The following ADGRD2 variants were observed in gnomAD, a reference collection of about 807,000 sequenced individuals.
The protein encoded by ADGRD2 is adhesion G protein-coupled receptor D2.
Under a neutral mutation model 44.4 loss-of-function variants are expected in ADGRD2, and 71 were observed. The ratio of observed to expected loss-of-function variants is 1.60; its 90% CI spans 1.32 to 1.95. ADGRD2 has a LOEUF of 1.95. Ranked by LOEUF, ADGRD2 falls within the 30% of genes most tolerant of loss-of-function variation. ADGRD2 has a pLI of 0.00. For missense variants in ADGRD2, 1,039 were observed against 512.4 expected (o/e 2.03, Z -9.92); for synonymous variants, 481 against 224.8 (o/e 2.14, Z -10.19).
intron 16 of ADGRD2, 94 bp from the exon 20 acceptor site, chr9:124,470,400 G>A (rs1209143093): frequency 6.4e-6 from 4 of 626,872 alleles, no homozygotes; most frequent in South Asian, 3.6e-5. Flanking sequence ...CTCCCACCCC[G>A]CTCCAGGCAC....
intron 15 of ADGRD2, 32 bp downstream of exon 18, chr9:124,469,387 T>C: frequency 1.4e-6 from 1 of 718,166 alleles, no homozygotes. Context: ...GAGGGGCGTG[T>C]TGGGGATGGG....
intron 19 of ADGRD2, 93 bp from the exon 23 acceptor site, chr9:124,476,264 G>A (rs571919655): frequency 3.7e-5 from 23 of 621,868 alleles, no homozygotes; most frequent in African/African-American, 9.1e-5. Flanking sequence ...GATTCTTAGC[G>A]TATTTGATCC....
rs556589495 is a variant in ADGRD2, at chr9:124,477,713, G to A, written c.*19-568G>A. Among the ~76,000 whole-genome samples the A allele has an allele frequency of 4.6e-5, 7 of 152,260 alleles. No individual in the cohort carries two copies. The East Asian group carries it at 1.4e-3, about 30-fold the overall frequency. On this transcript the variant is annotated intron_variant, in intron 21 of 21. Coordinates refer to ENST00000334810, the Ensembl canonical transcript of ADGRD2. ...CATCCCCGGCTGGCATCTCGGTCCC[G>A]GGGAGTCTCAGCTTCCCTTTCTGCA...
upstream of ADGRD2, among the ~76,000 whole-genome samples, chr9:124,451,910 G>C (rs1303052045): frequency 6.6e-6 from 1 of 151,890 alleles, no homozygotes; most frequent in Non-Finnish European, 1.5e-5. Flanking sequence ...AAAGGCTCAG[G>C]GCAGCAAAGG....
intron 11 of ADGRD2, 169 bp downstream of exon 14, chr9:124,466,582 G>A (rs569330426): frequency 1.0e-4 from 45 of 449,054 alleles, no homozygotes; most frequent in African/African-American, 5.6e-4. Flanking sequence ...CACTTTGGGC[G>A]GCTGATCACT....
chr9:124,458,216 G>A, exon 9 of ADGRD2: 1 of 718,526 alleles, frequency 1.4e-6, no homozygotes, highest in Non-Finnish European at 2.6e-6. Flanking sequence ...CCAGCTCAGA[G>A]GAGGCAAACA....
intron 6 of ADGRD2, among the ~76,000 whole-genome samples, chr9:124,455,795 AG>A (rs1266440093): frequency 1.3e-5 from 2 of 152,094 alleles, no homozygotes; most frequent in Non-Finnish European, 2.9e-5. Context: ...CCAGATGGAG[AG>A]GCTGTTGGAA....
intron 17 of ADGRD2, among the ~76,000 whole-genome samples, chr9:124,474,913 C>T (rs890034045): frequency 3.9e-5 from 6 of 152,202 alleles, no homozygotes; most frequent in African/African-American, 1.2e-4. Flanking sequence ...TCCCCAGCCA[C>T]GGTGTGAGTC....
At chr9:124,456,221 C>A (rs1831613904) in intron 6 of ADGRD2, among the ~76,000 whole-genome samples, 1 of 152,170 alleles carries the variant, frequency 6.6e-6, no homozygotes, top group Non-Finnish European at 1.5e-5. Context: ...AGTAGGTGCC[C>A]CATGAATGCA....
At chr9:124,461,819 C>T (rs1489174616) in intron 10 of ADGRD2, among the ~76,000 whole-genome samples, 1 of 151,876 alleles carries the variant, frequency 6.6e-6, no homozygotes, top group Non-Finnish European at 1.5e-5. Flanking sequence ...ACGATCTCGG[C>T]TCACTGCAAC....
In ADGRD2 at chr9:124,455,139, A is replaced by T; in HGVS notation, c.1393+12A>T. 69 of 636,552 alleles carry T rather than the reference A, an allele frequency of 1.1e-4. No homozygotes were observed. Among genetic ancestry groups the T allele is most frequent in the Middle Eastern group, 2.7e-4 (1 of 3,696 alleles). 39.4% of individuals were successfully genotyped at this position (636,552 alleles called of 1,614,324 possible). ...TCTCCCTCCGTGAAGTGAGGCTGGC[A>T]GGGCTGGGTGGGGCAGGGGCCTGGG... On this transcript the variant is annotated intron_variant, in intron 6 of 21. Coordinates refer to ENST00000334810, the Ensembl canonical transcript of ADGRD2.
chr9:124,472,457 T>TTG (rs1390597868), intron 17 of ADGRD2, among the ~76,000 whole-genome samples: 4 of 22,520 alleles, frequency 1.8e-4, no homozygotes, highest in Admixed American at 1.1e-3. Context: ...TGTTTGTTTG[T>TTG]TTTTTGTTTG....
Position 124,454,424 on chromosome 9 carries a change from G to A in ADGRD2, c.1023-60G>A, listed in dbSNP as rs1588599861. ...GTGGTGGGTGGAGGTCACTGAACAG[G>A]CTGGCATCTCTGGGCAGGGGTATTG... On this transcript the variant is annotated intron_variant, in intron 4 of 21. Coordinates refer to ENST00000334810, the Ensembl canonical transcript of ADGRD2. This position sits in a 1 kb window ranked among gnomAD's most constrained non-coding sequence, Gnocchi z 4.5. 1.5e-6 allele frequency: 1 copy of A among 686,792 alleles called. No homozygotes were observed. The highest frequency in any genetic ancestry group is 2.7e-5 in the East Asian group (1 of 36,490). The allele number at this position is 686,792 out of a possible 1,614,324, so 42.5% of individuals were successfully genotyped here.
At chr9:124,463,737 A>G (rs1831760952) in intron 10 of ADGRD2, among the ~76,000 whole-genome samples, 3 of 152,178 alleles carry the variant, frequency 2.0e-5, no homozygotes, top group African/African-American at 7.2e-5. Flanking sequence ...ATTTGCTTAT[A>G]ATATTTCCTT....
chr9:124,472,378 G>A (rs1319517442), intron 17 of ADGRD2, among the ~76,000 whole-genome samples: 2 of 152,022 alleles, frequency 1.3e-5, no homozygotes, highest in South Asian at 2.1e-4. Context: ...GGCTCTTCCT[G>A]GGCATGTCTT....
At chr9:124,450,995 G>A (rs188830122), upstream of ADGRD2, 11 of 464,962 alleles carry the variant, frequency 2.4e-5, no homozygotes, top group South Asian at 1.4e-4. Context: ...CAGGGTTAGG[G>A]TATCCCCGCT....
chr9:124,477,854 G>T (rs1353571626), intron 21 of ADGRD2, among the ~76,000 whole-genome samples: 1 of 149,766 alleles, frequency 6.7e-6, no homozygotes, highest in African/African-American at 2.5e-5. Context: ...ACAAGAGAGC[G>T]GCGGCGCCTC....
At chr9:124,464,115 G>A (rs960001246) in intron 10 of ADGRD2, among the ~76,000 whole-genome samples, 8 of 151,690 alleles carry the variant, frequency 5.3e-5, no homozygotes, top group African/African-American at 1.9e-4. Flanking sequence ...GAGCCACCAC[G>A]CCCAGCCTTG....
chr9:124,460,289 G>A (rs1476073861), intron 10 of ADGRD2, among the ~76,000 whole-genome samples: 10 of 146,776 alleles, frequency 6.8e-5, no homozygotes, highest in Admixed American at 1.4e-4. Flanking sequence ...TGCAACCTCC[G>A]CCCCCCGGGT....
Sources: gnomAD v4.1 joint callset for allele counts (sites outside exome capture counted in the v4.1 genomes callset) on GRCh38, gnomAD v4.1.1 for gene constraint, Gnocchi (gnomAD v3.1) non-coding constraint, MANE v1.5 for transcripts, NCBI Gene and HGNC (gene_info 2026-07-23, HGNC 2026-07-21) for gene names.